RGS17: variants seen among roughly 807,000 people sequenced by gnomAD.
The protein encoded by RGS17 is regulator of G protein signaling 17.
In RGS17, 12 loss-of-function variants were observed where a neutral mutation model predicts 25.5. That is an observed-to-expected ratio of 0.47 (90% CI 0.30 to 0.76). The LOEUF (loss-of-function observed/expected upper bound fraction) is 0.76, where lower values mean the gene tolerates loss of function less well. RGS17 is among the 30% of genes least tolerant of loss of function. The pLI is 0.07. For missense variants in RGS17, 196 were observed against 242.2 expected, an observed-to-expected ratio of 0.81 and a Z score of 1.27; for synonymous variants, 71 against 76.9, an observed-to-expected ratio of 0.92 and a Z score of 0.40.
At chr6:153,072,190 A>G (rs1295418724) in intron 1 of RGS17, among the ~76,000 whole-genome samples, 1 of 152,172 alleles carries the variant, frequency 6.6e-6, no homozygotes, top group African/African-American at 2.4e-5. Context: ...AGAAATATGA[A>G]AAAATATAAG....
chr6:153,069,991 T>C (rs1776764779), intron 1 of RGS17, among the ~76,000 whole-genome samples: 1 of 152,082 alleles, frequency 6.6e-6, no homozygotes, highest in African/African-American at 2.4e-5. Flanking sequence ...AAAAAACACA[T>C]CAACTTCCAG....
chr6:153,122,819 A>C (rs1318283563), intron 1 of RGS17, among the ~76,000 whole-genome samples: 1 of 152,038 alleles, frequency 6.6e-6, no homozygotes, highest in Non-Finnish European at 1.5e-5. Flanking sequence ...TCTATTTAGA[A>C]ATACTAATAA....
rs953451055 is a variant in RGS17, at chr6:153,004,470, ATTCT to A, written c.*7100_*7103del. 2 of 152,232 alleles carry A rather than the reference ATTCT, an allele frequency of 1.3e-5. No homozygotes were observed. The highest frequency in any genetic ancestry group is 6.5e-5 in the Admixed American group (1 of 15,286). The allele number at this position is 152,232 out of a possible 1,614,324, so 9.4% of individuals were successfully genotyped here. On this transcript the variant is annotated 3_prime_UTR_variant, in exon 5 of 5. Coordinates refer to ENST00000206262, the MANE Select transcript of RGS17 (RefSeq NM_012419.5). ...TAACTTTCTAAGGATACATTGTTGAATTCTTTATTAATTCAAAACATTTTAAGAA... is the reference window on the plus strand; with the variant it reads ...TAACTTTCTAAGGATACATTGTTGAATTATTAATTCAAAACATTTTAAGAA...
chr6:153,052,264 TG>T (rs1012154458), intron 1 of RGS17, among the ~76,000 whole-genome samples: 1 of 30,544 alleles, frequency 3.3e-5, no homozygotes, highest in African/African-American at 4.6e-4. Context: ...ATGGGACCTC[TG>T]CCCCCAGTGG....
intron 1 of RGS17, among the ~76,000 whole-genome samples, chr6:153,101,279 G>A (rs1310116978): frequency 6.6e-6 from 1 of 152,054 alleles, no homozygotes; most frequent in Non-Finnish European, 1.5e-5. Flanking sequence ...AAAGTGACCT[G>A]CAAGTACAGT....
intron 1 of RGS17, among the ~76,000 whole-genome samples, chr6:153,118,801 G>C (rs898148787): frequency 3.9e-5 from 6 of 151,970 alleles, no homozygotes; most frequent in Admixed American, 6.5e-5. Context: ...TCCTGGTCTT[G>C]ATCTTACTCA....
At chr6:153,040,530 A>G (rs988837922) in intron 2 of RGS17, among the ~76,000 whole-genome samples, 2 of 152,104 alleles carry the variant, frequency 1.3e-5, no homozygotes, top group Admixed American at 6.6e-5. Context: ...CCTTAAAAGG[A>G]AGTAAATTCA....
At chr6:153,063,225 T>G (rs530891915) in intron 1 of RGS17, among the ~76,000 whole-genome samples, 2 of 152,158 alleles carry the variant, frequency 1.3e-5, no homozygotes, top group African/African-American at 4.8e-5. Context: ...CCTCACCAAA[T>G]GAACTAAATA....
At chr6:153,103,791 A>T (rs1230495717) in intron 1 of RGS17, among the ~76,000 whole-genome samples, 1 of 152,244 alleles carries the variant, frequency 6.6e-6, no homozygotes, top group Non-Finnish European at 1.5e-5. Context: ...ACGTTTTAAG[A>T]CAAAACCACA....
intron 2 of RGS17, 83 bp from the exon 3 acceptor site, chr6:153,026,626 T>A: frequency 1.0e-6 from 1 of 976,478 alleles, no homozygotes; most frequent in Non-Finnish European, 1.6e-6. Flanking sequence ...GGGAAACATT[T>A]CACAGGAGAT....
intron 1 of RGS17, among the ~76,000 whole-genome samples, chr6:153,125,034 A>G (rs557224153): frequency 5.9e-5 from 9 of 152,182 alleles, no homozygotes; most frequent in Non-Finnish European, 1.2e-4. Flanking sequence ...TTAACTCACT[A>G]TATTATTGGG....
chr6:153,129,373 T>C lies in RGS17; in HGVS notation c.-26+1751A>G, dbSNP rs1170816058. 2.6e-5 allele frequency among the ~76,000 whole-genome samples: 4 copies of C among 152,340 alleles called. No individual in the cohort carries two copies. In the East Asian group the frequency reaches 5.8e-4, roughly 22 times the overall value. On this transcript the variant is annotated intron_variant, in intron 1 of 4. Coordinates refer to ENST00000206262, the MANE Select transcript of RGS17 (RefSeq NM_012419.5). ...ACCCTTCCATTAGATAGGAGTGCTATAATGCATATTTCTTGGATAATACTC... is the reference window on the plus strand; with the variant it reads ...ACCCTTCCATTAGATAGGAGTGCTACAATGCATATTTCTTGGATAATACTC...
At chr6:153,011,855 T>C in intron 4 of RGS17, 93 bp from the exon 5 acceptor site, 4 of 894,954 alleles carry the variant, frequency 4.5e-6, no homozygotes, top group Admixed American at 3.1e-5. Context: ...TAGAGAAACT[T>C]TAAAGAGCAA....
In RGS17 at chr6:153,130,941, C is replaced by T. The variant is rs1435917366; in HGVS notation, c.-26+183G>A. On this transcript the variant is annotated intron_variant, in intron 1 of 4. Transcript: ENST00000206262. This position sits in a 1 kb window ranked among gnomAD's most constrained non-coding sequence, Gnocchi z 6.4. ...GCGGCCCCCGCTCCCGCTCAGGGCG[C>T]CGCGGCCACAGCTGAGACCCCAGCG... Among the ~76,000 whole-genome samples, 1 of 151,836 alleles carries T rather than the reference C, an allele frequency of 6.6e-6. No homozygotes were observed. Among genetic ancestry groups the T allele is most frequent in the African/African-American group, 2.4e-5 (1 of 41,392 alleles).
chr6:153,113,720 A>G (rs1004905222), intron 1 of RGS17, among the ~76,000 whole-genome samples: 2 of 152,136 alleles, frequency 1.3e-5, no homozygotes, highest in African/African-American at 4.8e-5. Context: ...TGGAAATCAT[A>G]ACAAACAGTC....
At chr6:153,079,598 A>T (rs986154811) in intron 1 of RGS17, among the ~76,000 whole-genome samples, 39 of 152,228 alleles carry the variant, frequency 2.6e-4, no homozygotes, top group African/African-American at 8.9e-4. Context: ...TAATACAAGA[A>T]ATTCTATTAA....
Position 153,092,523 on chromosome 6 carries a change from G to A in RGS17, c.-26+38601C>T, listed in dbSNP as rs377074541. Among the ~76,000 whole-genome samples, 8 of 152,036 alleles carry A rather than the reference G, an allele frequency of 5.3e-5. No homozygotes were observed. In the East Asian group the frequency reaches 5.8e-4, roughly 11 times the overall value. The stretch of plus-strand genomic sequence containing the variant: ...CACAGCGTGCCTTTTGTCTCCACCC[G>A]CCTCCAGTCCCATCTTTACTCATTC... On this transcript the variant is annotated intron_variant, in intron 1 of 4. Transcript: ENST00000206262.
In RGS17 at chr6:153,054,067, CATAT is replaced by C. The variant is rs1235687566; in HGVS notation, c.-25-10028_-25-10025del. Among the ~76,000 whole-genome samples the C allele has an allele frequency of 1.5e-4, 6 of 39,964 alleles. 1 individual carries two copies. Among genetic ancestry groups the C allele is most frequent in the African/African-American group, 6.6e-4 (6 of 9,060 alleles). 26.2% of individuals were successfully genotyped at this position (39,964 alleles called of 152,430 possible). A position where few individuals can be genotyped will look rare whatever the true frequency, so the allele number is the denominator to read the frequency against. On this transcript the variant is annotated intron_variant, in intron 1 of 4. Transcript: ENST00000206262. ...TGTATATATGTATATAATATATATA[CATAT>C]ATATATACACACAATATTTTTTATA...
intron 1 of RGS17, among the ~76,000 whole-genome samples, chr6:153,057,195 T>C (rs141653165): frequency 2.3e-3 from 341 of 151,354 alleles, no homozygotes; most frequent in Admixed American, 3.7e-3. Flanking sequence ...ATATTATATA[T>C]AAATATAAAA....
Sources: allele counts gnomAD v4.1 joint callset (sites outside exome capture counted in the v4.1 genomes callset), GRCh38; gene constraint gnomAD v4.1.1; non-coding constraint Gnocchi (gnomAD v3.1); transcripts MANE v1.5; gene names NCBI Gene and HGNC (gene_info 2026-07-23, HGNC 2026-07-21).